The following PDE4D variants were observed in gnomAD, a reference collection of about 807,000 sequenced individuals.
PDE4D encodes the protein phosphodiesterase 4D, also known as 3',5'-cyclic-AMP phosphodiesterase 4D.
Under a neutral mutation model 87.4 loss-of-function variants are expected in PDE4D, and 24 were observed. The ratio of observed to expected loss-of-function variants is 0.27; its 90% CI spans 0.20 to 0.39. The LOEUF (loss-of-function observed/expected upper bound fraction) is 0.39, where lower values mean the gene tolerates loss of function less well. Ranked by LOEUF, PDE4D falls within the 10% of genes least tolerant of loss-of-function variation. PDE4D has a pLI of 1.00. For missense variants in PDE4D, 714 were observed against 1,041.0 expected, an observed-to-expected ratio of 0.69 and a Z score of 4.32; for synonymous variants, 384 against 383.2, an observed-to-expected ratio of 1.00 and a Z score of -0.02.
chr5:59,638,558 A>T lies in PDE4D; in HGVS notation c.455+254610T>A, dbSNP rs114857395. ...ACAAGTAACTCCTATCAGGGACCTT[A>T]AATGAGAGAGATACGGAGCTTAACC... is the stretch of plus-strand genomic sequence containing the variant. On this transcript the variant is annotated intron_variant, in intron 1 of 14. Coordinates refer to ENST00000340635, the MANE Select transcript of PDE4D (RefSeq NM_001104631.2). Among the ~76,000 whole-genome samples the T allele has an allele frequency of 3.2e-3, 489 of 152,326 alleles. 6 individuals carry two copies. The highest frequency in any genetic ancestry group is 0.011 in the African/African-American group (455 of 41,584).
chr5:59,796,118 G>A (rs1006043508), intron 1 of PDE4D, among the ~76,000 whole-genome samples: 1 of 152,170 alleles, frequency 6.6e-6, no homozygotes, highest in African/African-American at 2.4e-5. Flanking sequence ...CCTTACAGCA[G>A]CCCTAGGAAA....
chr5:59,207,782 A>G (rs1315081654), intron 2 of PDE4D, among the ~76,000 whole-genome samples: 1 of 152,030 alleles, frequency 6.6e-6, no homozygotes, highest in African/African-American at 2.4e-5. Context: ...ATCATTATTT[A>G]TAAGTTTAAA....
chr5:60,513,004 T>C (rs980668143), intron 1 of PDE4D, among the ~76,000 whole-genome samples: 1 of 151,926 alleles, frequency 6.6e-6, no homozygotes, highest in Non-Finnish European at 1.5e-5. Flanking sequence ...AAAATAATAA[T>C]AAATTTTCTA....
intron 1 of PDE4D, among the ~76,000 whole-genome samples, chr5:59,270,058 C>T (rs1763535349): frequency 6.6e-6 from 1 of 152,042 alleles, no homozygotes; most frequent in Non-Finnish European, 1.5e-5. Context: ...AAAGAGTAAA[C>T]CTATCTGTGA....
chr5:59,000,495 T>C (rs889283475), intron 6 of PDE4D, among the ~76,000 whole-genome samples: 1 of 152,164 alleles, frequency 6.6e-6, no homozygotes, highest in African/African-American at 2.4e-5. Flanking sequence ...CCCTCACCTG[T>C]GTGCCATGGC....
intron 1 of PDE4D, among the ~76,000 whole-genome samples, chr5:60,333,823 GT>G (rs1048046965): frequency 6.6e-6 from 1 of 151,682 alleles, no homozygotes; most frequent in South Asian, 2.1e-4. Context: ...CAAACTTCAG[GT>G]TTTTTTTCAA....
intron 1 of PDE4D, among the ~76,000 whole-genome samples, chr5:59,250,479 C>A (rs1759723875): frequency 1.5e-5 from 2 of 137,340 alleles, no homozygotes; most frequent in East Asian, 2.1e-4. Flanking sequence ...GGTAACAGAG[C>A]AAGATCCTGC....
At chr5:60,509,121 T>G (rs1221703522) in intron 1 of PDE4D, among the ~76,000 whole-genome samples, 1 of 152,128 alleles carries the variant, frequency 6.6e-6, no homozygotes, top group East Asian at 1.9e-4. Flanking sequence ...GCTGGTCTCA[T>G]GCACCAGGGC....
chr5:59,163,567 G>T (rs1373431735), intron 5 of PDE4D, among the ~76,000 whole-genome samples: 2 of 152,114 alleles, frequency 1.3e-5, no homozygotes, highest in African/African-American at 4.8e-5. Flanking sequence ...CACCGCTCCT[G>T]GTCCTTAAAT....
intron 1 of PDE4D, among the ~76,000 whole-genome samples, chr5:60,260,621 C>T (rs940320344): frequency 1.3e-5 from 2 of 151,972 alleles, no homozygotes; most frequent in Admixed American, 6.6e-5. Flanking sequence ...TTCCCTAAGG[C>T]GGTCATGTTC....
At chr5:59,101,202 C>T (rs114655401) in intron 5 of PDE4D, among the ~76,000 whole-genome samples, 52 of 152,282 alleles carry the variant, frequency 3.4e-4, no homozygotes, top group African/African-American at 1.2e-3. Context: ...TAGGGCCCGC[C>T]GTATCAGCAT....
chr5:59,097,042 G>A (rs1420433719), intron 5 of PDE4D, among the ~76,000 whole-genome samples: 2 of 152,166 alleles, frequency 1.3e-5, no homozygotes, highest in African/African-American at 2.4e-5. Flanking sequence ...CTATCAGTGA[G>A]GGGCATTATG....
chr5:60,052,705 A>G (rs1405622022), intron 2 of PDE4D, among the ~76,000 whole-genome samples: 1 of 152,236 alleles, frequency 6.6e-6, no homozygotes, highest in Non-Finnish European at 1.5e-5. Flanking sequence ...CAGGCAAGAG[A>G]ACGAAATAAA....
At chr5:60,058,114 C>T (rs1338829196) in intron 2 of PDE4D, among the ~76,000 whole-genome samples, 3 of 151,884 alleles carry the variant, frequency 2.0e-5, no homozygotes, top group Non-Finnish European at 4.4e-5. Context: ...TTAAAGAACA[C>T]TTTTTAAAAT....
intron 2 of PDE4D, among the ~76,000 whole-genome samples, chr5:59,197,193 G>C (rs979325270): frequency 2.6e-5 from 4 of 151,816 alleles, no homozygotes; most frequent in Non-Finnish European, 4.4e-5. Context: ...AACTCAAAAG[G>C]GTTGCATATT....
At chr5:59,931,753 G>A (rs945681076) in intron 3 of PDE4D, among the ~76,000 whole-genome samples, 1 of 144,656 alleles carries the variant, frequency 6.9e-6, no homozygotes, top group Non-Finnish European at 1.5e-5. Flanking sequence ...CCAGGCTGGA[G>A]TGCAGTGGTG....
chr5:59,815,603 C>A (rs1233449061), intron 1 of PDE4D, among the ~76,000 whole-genome samples: 1 of 152,144 alleles, frequency 6.6e-6, no homozygotes, highest in African/African-American at 2.4e-5. Flanking sequence ...AGAACAAATC[C>A]AGCTGAGACT....
chr5:59,651,301 A>G (rs891838160), intron 1 of PDE4D, among the ~76,000 whole-genome samples: 7 of 143,590 alleles, frequency 4.9e-5, no homozygotes, highest in Non-Finnish European at 9.1e-5. Flanking sequence ...TAATAATAAT[A>G]ATAATTGCTA....
intron 2 of PDE4D, among the ~76,000 whole-genome samples, chr5:60,140,955 C>T (rs1201477450): frequency 2.0e-5 from 3 of 152,098 alleles, no homozygotes; most frequent in Non-Finnish European, 4.4e-5. Context: ...ATTTTATAGA[C>T]GCCAAAGCTA....
Sources: gnomAD v4.1 joint callset for allele counts (sites outside exome capture counted in the v4.1 genomes callset) on GRCh38, gnomAD v4.1.1 for gene constraint, MANE v1.5 for transcripts, NCBI Gene and HGNC (gene_info 2026-07-23, HGNC 2026-07-21) for gene names.